The following TMX2 variants were observed in gnomAD, a reference collection of about 807,000 sequenced individuals.
The protein encoded by TMX2 is thioredoxin-related transmembrane protein 2.
In TMX2, 20 loss-of-function variants were observed where a neutral mutation model predicts 33.4. The observed-to-expected ratio is 0.60, with a 90% confidence interval of 0.42 to 0.87. The LOEUF (loss-of-function observed/expected upper bound fraction) is 0.87. Ranked by LOEUF, TMX2 falls within the 40% of genes least tolerant of loss-of-function variation. The pLI, the probability that TMX2 is intolerant of heterozygous loss-of-function variation, is 0.00. For synonymous variants in TMX2, 166 were observed against 140.7 expected (o/e 1.18, Z -1.27); for missense variants, 340 against 370.7 (o/e 0.92, Z 0.68).
At chr11:57,735,712 AC>A (rs1948710788) in intron 1 of TMX2, among the ~76,000 whole-genome samples, 1 of 152,156 alleles carries the variant, frequency 6.6e-6, no homozygotes, top group Non-Finnish European at 1.5e-5. Context: ...AAGGAGAAAC[AC>A]GTGCATGCTC....
rs772545282 is a variant in TMX2 at position 57,715,586 on chromosome 11, C to CTTTCTTTTTTT, written c.189+2782_189+2783insCTTTTTTTTTT. ...TTTATAACCTCTTAGAATTTGTTTTCTTTTTTTTTTCTTTTATTGATCATT... is the reference window on the plus strand; with the variant it reads ...TTTATAACCTCTTAGAATTTGTTTTCTTTCTTTTTTTTTTTTTTTTTCTTTTATTGATCATT... On this transcript the variant is annotated intron_variant, in intron 1 of 7. Transcript: ENST00000278422. 2.9e-4 allele frequency among the ~76,000 whole-genome samples: 38 copies of CTTTCTTTTTTT among 130,104 alleles called. 1 individual carries two copies. Among genetic ancestry groups the CTTTCTTTTTTT allele is most frequent in the South Asian group, 1.2e-3 (5 of 4,142 alleles). The allele number at this position is 130,104 out of a possible 152,430, so 85.4% of individuals were successfully genotyped here. A position where few individuals can be genotyped will look rare whatever the true frequency, so the allele number is the denominator to read the frequency against.
intron 1 of TMX2, among the ~76,000 whole-genome samples, chr11:57,734,104 G>A (rs552428876): frequency 2.0e-5 from 3 of 148,266 alleles, no homozygotes; most frequent in Admixed American, 6.7e-5. Context: ...CCTGGGAGGC[G>A]GAGGAGACCG....
chr11:57,726,187 C>T (rs1947968937), intron 1 of TMX2, among the ~76,000 whole-genome samples: 3 of 151,822 alleles, frequency 2.0e-5, no homozygotes, highest in Admixed American at 2.0e-4. Context: ...CTGGGGTGGG[C>T]GGATTTCCTG....
At chr11:57,734,786 A>C (rs185452148) in intron 1 of TMX2, among the ~76,000 whole-genome samples, 66 of 151,966 alleles carry the variant, frequency 4.3e-4, no homozygotes, top group Middle Eastern at 3.4e-3. Context: ...AAATAAATAA[A>C]ATTAATCTTT....
rs1468271489 is a variant in TMX2 at position 57,712,729 on chromosome 11, A to G, written c.111A>G (p.Leu37=). ...CGGCCCTGCTCTCTGCTGCCTTCCT[A>G]CTCGTGAGGAAACTGCCGCCGCTCT... ...LLSALLSAAF[L]LVRKLPPLCH... is the part of the protein sequence containing the mutation. Residue 37 remains leucine, a synonymous_variant, in exon 1 of 8, where the codon CTA becomes CTG. Transcript: ENST00000278422. 11 of 1,613,618 alleles carry G rather than the reference A, an allele frequency of 6.8e-6. No individual in the cohort carries two copies. The highest frequency in any genetic ancestry group is 9.3e-6 in the Non-Finnish European group (11 of 1,179,940).
At chr11:57,714,804 G>T (rs549415473) in intron 1 of TMX2, among the ~76,000 whole-genome samples, 1 of 151,984 alleles carries the variant, frequency 6.6e-6, no homozygotes, top group South Asian at 2.1e-4. Context: ...ATGTTGCCCA[G>T]GCTGGTCTTG....
chr11:57,719,580 G>A (rs1207981680), intron 1 of TMX2, among the ~76,000 whole-genome samples: 1 of 130,050 alleles, frequency 7.7e-6, no homozygotes, highest in Non-Finnish European at 1.5e-5. Flanking sequence ...GAGTGCAATG[G>A]TGAGATGTCA....
intron 1 of TMX2, among the ~76,000 whole-genome samples, chr11:57,736,986 ATTGAG>A (rs1948790521): frequency 6.6e-6 from 1 of 152,196 alleles, no homozygotes; most frequent in South Asian, 2.1e-4. Context: ...CCAGCGTCAC[ATTGAG>A]TTGATATTAA....
intron 1 of TMX2, among the ~76,000 whole-genome samples, chr11:57,723,439 T>G (rs2135522591): frequency 7.1e-6 from 1 of 141,740 alleles, no homozygotes; most frequent in African/African-American, 2.6e-5. Context: ...GCCGGGATTG[T>G]GCCATTGCAC....
chr11:57,728,729 C>A (rs2135557740), intron 1 of TMX2, among the ~76,000 whole-genome samples: 1 of 152,160 alleles, frequency 6.6e-6, no homozygotes, highest in East Asian at 1.9e-4. Flanking sequence ...TGAACTGTTG[C>A]TTTCATAGAG....
chr11:57,737,459 C>G (rs1385416927), intron 1 of TMX2, 149 bp from the exon 2 acceptor site: 5 of 645,728 alleles, frequency 7.7e-6, no homozygotes, highest in Non-Finnish European at 1.1e-5. Context: ...TGATGTTTAT[C>G]CCCGTACACC....
intron 1 of TMX2, among the ~76,000 whole-genome samples, chr11:57,731,301 T>G (rs546510413): frequency 2.0e-5 from 3 of 151,786 alleles, no homozygotes; most frequent in Non-Finnish European, 4.4e-5. Flanking sequence ...ACCCAGCTAA[T>G]TTTTGTATTT....
rs565563685 is a variant in TMX2, at chr11:57,738,976, A to G, written c.551A>G (p.Tyr184Cys). The G allele has an allele frequency of 6.2e-7, 1 of 1,613,518 alleles. No homozygotes were observed. The highest frequency in any genetic ancestry group is 2.2e-5 in the East Asian group (1 of 44,888). The change falls in exon 6 of 8, where the codon TAC becomes TGC. Residue 184 changes from tyrosine to cysteine, a missense_variant and splice_region_variant. Transcript: ENST00000278422. ...ATTAAATAATATATTCTTTTCAGAT[A>G]CAACTGTACAGGGCTAAATTTTGGG... ...APIYADLSLK[Y>C]NCTGLNFGKV...
chr11:57,712,894 G>T, intron 1 of TMX2, 87 bp downstream of exon 1: 1 of 1,405,492 alleles, frequency 7.1e-7, no homozygotes. Flanking sequence ...TTACCTCTCT[G>T]AGGACACCTG....
chr11:57,740,166 G>A lies in TMX2; in HGVS notation c.812G>A (p.Gly271Glu), dbSNP rs1400604201. ...YQRAKKLSKA[G>E]DNIPEEQPVA... ...CGGGCCAAGAAACTATCAAAGGCTG[G>A]AGACAATATCCCTGAGGAGCAGCCT... The change falls in exon 8 of 8, where the codon GGA becomes GAA. Residue 271 changes from glycine (G) to glutamate (E), a missense_variant. Around this residue, in one of 3 missense-constraint regions of TMX2, gnomAD observed 209 missense variants for 241.6 expected, o/e 0.87. Transcript: ENST00000278422. The A allele has an allele frequency of 6.2e-7, 1 of 1,613,888 alleles. No individual in the cohort carries two copies. The highest frequency in any genetic ancestry group is 8.5e-7 in the Non-Finnish European group (1 of 1,179,892).
intron 1 of TMX2, among the ~76,000 whole-genome samples, chr11:57,730,813 G>C (rs996609293): frequency 3.3e-5 from 5 of 152,166 alleles, no homozygotes; most frequent in African/African-American, 4.8e-5. Context: ...GCTTGAGAGA[G>C]AGAGACATTT....
rs550495893 is a variant in TMX2 at position 57,727,185 on chromosome 11, C to T, written c.190-10423C>T. ...GGATTTTTTTTTAGACTAAGCCTGACTCCATTTCACCCCTTAAACAATTGG... is the reference window on the plus strand; with the variant it reads ...GGATTTTTTTTTAGACTAAGCCTGATTCCATTTCACCCCTTAAACAATTGG... On this transcript the variant is annotated intron_variant, in intron 1 of 7. Coordinates refer to ENST00000278422, the MANE Select transcript of TMX2 (RefSeq NM_015959.4). Among the ~76,000 whole-genome samples, 4 of 152,268 alleles carry T rather than the reference C, an allele frequency of 2.6e-5. No homozygotes were observed. In the South Asian group the frequency reaches 8.3e-4, roughly 32 times the overall value.
Position 57,738,390 on chromosome 11 carries a change from G to T in TMX2, c.401G>T (p.Gly134Val). The change falls in exon 4 of 8, where the codon GGC becomes GTC. Residue 134 changes from glycine to valine, a missense_variant. Transcript: ENST00000278422. ...ACGTGCAAACCCCCCCTATATATGG[G>T]CCCTGAGTATATCAAGTACTTCAAT... ...LMTCKPPLYM[G>V]PEYIKYFNDK... The T allele has an allele frequency of 6.2e-7, 1 of 1,612,316 alleles. No homozygotes were observed. Among genetic ancestry groups the T allele is most frequent in the Non-Finnish European group, 8.5e-7 (1 of 1,178,514 alleles).
chr11:57,718,135 C>T (rs1565214767), intron 1 of TMX2: 2 of 1,199,246 alleles, frequency 1.7e-6, no homozygotes, highest in South Asian at 1.2e-5. Context: ...TTCATGCCTT[C>T]TTTCACCTTG....
Sources: allele counts gnomAD v4.1 joint callset (sites outside exome capture counted in the v4.1 genomes callset), GRCh38; gene constraint gnomAD v4.1.1; regional missense constraint gnomAD v4.1.1; transcripts MANE v1.5; gene names NCBI Gene and HGNC (gene_info 2026-07-23, HGNC 2026-07-21).